The following RBFOX1 variants were observed in gnomAD, a reference collection of about 807,000 sequenced individuals.
RBFOX1 encodes RNA binding fox-1 homolog 1.
A neutral mutation model predicts 57.7 loss-of-function variants in RBFOX1; 8 were observed. That is an observed-to-expected ratio of 0.14 (90% CI 0.08 to 0.25). RBFOX1 has a LOEUF of 0.25. RBFOX1 is among the 10% of genes least tolerant of loss of function. RBFOX1 has a pLI of 1.00. For missense variants in RBFOX1, 611 were observed against 548.5 expected (o/e 1.11, Z -1.14); for synonymous variants, 326 against 222.4 (o/e 1.47, Z -4.15).
chr16:6,508,493 G>T (rs1392487835), intron 2 of RBFOX1, among the ~76,000 whole-genome samples: 1 of 152,110 alleles, frequency 6.6e-6, no homozygotes, highest in Non-Finnish European at 1.5e-5. Context: ...ACATAATTCA[G>T]CTAATCCCTT....
chr16:6,492,763 A>G (rs1404386019), intron 2 of RBFOX1, among the ~76,000 whole-genome samples: 3 of 152,186 alleles, frequency 2.0e-5, no homozygotes, highest in Non-Finnish European at 4.4e-5. Flanking sequence ...GGACCCTTGT[A>G]GGAATGAAGT....
At chr16:5,674,653 T>TACCCTTC (rs2050112948) in intron 3 of RBFOX1, among the ~76,000 whole-genome samples, 1 of 152,186 alleles carries the variant, frequency 6.6e-6, no homozygotes, top group African/African-American at 2.4e-5. Context: ...TGCCATTACT[T>TACCCTTC]TTAATTATTT....
intron 1 of RBFOX1, among the ~76,000 whole-genome samples, chr16:6,209,672 G>A (rs1241093913): frequency 2.0e-5 from 3 of 152,220 alleles, no homozygotes; most frequent in African/African-American, 7.2e-5. Flanking sequence ...TAGCAGGAAA[G>A]CTAAGCACAG....
At chr16:6,978,098 C>G (rs2087605645) in intron 3 of RBFOX1, among the ~76,000 whole-genome samples, 4 of 151,052 alleles carry the variant, frequency 2.6e-5, no homozygotes, top group Admixed American at 2.6e-4. Context: ...TCAATTACAG[C>G]TGACTTTGCA....
intron 2 of RBFOX1, among the ~76,000 whole-genome samples, chr16:6,522,698 G>A (rs1385664342): frequency 6.6e-6 from 1 of 152,156 alleles, no homozygotes; most frequent in African/African-American, 2.4e-5. Context: ...CTAAGAAACA[G>A]TGAACCATAA....
At chr16:6,614,814 C>G (rs932359851) in intron 2 of RBFOX1, among the ~76,000 whole-genome samples, 1 of 152,296 alleles carries the variant, frequency 6.6e-6, no homozygotes, top group Non-Finnish European at 1.5e-5. Context: ...GACCTAGGGA[C>G]TCACCCTACT....
At chr16:6,281,506 G>T (rs955426115) in intron 1 of RBFOX1, among the ~76,000 whole-genome samples, 2 of 152,042 alleles carry the variant, frequency 1.3e-5, no homozygotes, top group Non-Finnish European at 2.9e-5. Flanking sequence ...CGAGGGTGTG[G>T]GCCCCAAAGT....
At chr16:5,950,852 G>T (rs1288860841) in intron 4 of RBFOX1, among the ~76,000 whole-genome samples, 1 of 152,122 alleles carries the variant, frequency 6.6e-6, no homozygotes, top group African/African-American at 2.4e-5. Flanking sequence ...AGTGGTCCAA[G>T]TGCCAGGAGA....
chr16:6,936,707 A>G (rs940896139), intron 3 of RBFOX1, among the ~76,000 whole-genome samples: 2 of 152,150 alleles, frequency 1.3e-5, no homozygotes, highest in African/African-American at 4.8e-5. Flanking sequence ...TTAGATTAAT[A>G]TTAAAACAAA....
chr16:6,785,164 A>T (rs1284497971), intron 3 of RBFOX1, among the ~76,000 whole-genome samples: 2 of 152,162 alleles, frequency 1.3e-5, no homozygotes, highest in Admixed American at 6.6e-5. Context: ...GAACAAAGAG[A>T]TCTACGAGAT....
chr16:5,974,171 A>G (rs2060016265), intron 4 of RBFOX1, among the ~76,000 whole-genome samples: 1 of 152,228 alleles, frequency 6.6e-6, no homozygotes, highest in African/African-American at 2.4e-5. Context: ...TCGGATGCAC[A>G]GCAGGCAATG....
intron 3 of RBFOX1, among the ~76,000 whole-genome samples, chr16:5,772,584 G>A (rs1426951131): frequency 6.6e-6 from 1 of 152,204 alleles, no homozygotes; most frequent in East Asian, 1.9e-4. Context: ...ATATCTGCAA[G>A]TATTTATTCA....
chr16:7,358,871 A>C (rs2097266653), intron 4 of RBFOX1, among the ~76,000 whole-genome samples: 1 of 152,240 alleles, frequency 6.6e-6, no homozygotes, highest in African/African-American at 2.4e-5. Flanking sequence ...TAACTTTCTA[A>C]GGACAAGACA....
At chr16:7,507,083 G>A (rs1183337551) in intron 4 of RBFOX1, among the ~76,000 whole-genome samples, 1 of 152,134 alleles carries the variant, frequency 6.6e-6, no homozygotes, top group South Asian at 2.1e-4. Context: ...GTCACATAAA[G>A]GTTGAATGAC....
intron 4 of RBFOX1, among the ~76,000 whole-genome samples, chr16:7,099,911 A>G (rs2062381237): frequency 6.6e-6 from 1 of 152,118 alleles, no homozygotes; most frequent in Admixed American, 6.5e-5. Flanking sequence ...AATGTTTCTT[A>G]TCAGACTTAA....
intron 3 of RBFOX1, among the ~76,000 whole-genome samples, chr16:7,025,820 C>A (rs1448736856): frequency 6.6e-6 from 1 of 152,110 alleles, no homozygotes; most frequent in African/African-American, 2.4e-5. Context: ...ACTGGAGCAG[C>A]CATATCTGAC....
Position 7,268,998 on chromosome 16 carries a change from G to A in RBFOX1, c.27+216900G>A, listed in dbSNP as rs533118729. The stretch of plus-strand genomic sequence containing the variant: ...TTTGCAGTGAGCCGAGATCACGCCA[G>A]TGCACTCCAGCTTGGGCGACAGAGT... On this transcript the variant is annotated intron_variant, in intron 4 of 15. Transcript: ENST00000550418. Among the ~76,000 whole-genome samples the A allele has an allele frequency of 6.1e-5, 8 of 131,136 alleles. No individual in the cohort carries two copies. In the East Asian group the frequency reaches 1.6e-3, roughly 26 times the overall value. The allele number at this position is 131,136 out of a possible 152,430, so 86.0% of individuals were successfully genotyped here. A position where few individuals can be genotyped will look rare whatever the true frequency, so the allele number is the denominator to read the frequency against.
At chr16:7,183,864 C>A (rs1661690603) in intron 4 of RBFOX1, among the ~76,000 whole-genome samples, 2 of 152,128 alleles carry the variant, frequency 1.3e-5, no homozygotes, top group South Asian at 4.1e-4. Flanking sequence ...AGGTCTCTGC[C>A]CTCATGGAAC....
At chr16:5,582,796 G>A (rs889348361) in intron 2 of RBFOX1, among the ~76,000 whole-genome samples, 2 of 152,094 alleles carry the variant, frequency 1.3e-5, no homozygotes, top group African/African-American at 4.8e-5. Flanking sequence ...TGAGGAGGTG[G>A]TTATCAGTTC....
Sources: gnomAD v4.1 joint callset for allele counts (sites outside exome capture counted in the v4.1 genomes callset) on GRCh38, gnomAD v4.1.1 for gene constraint, MANE v1.5 for transcripts, NCBI Gene and HGNC (gene_info 2026-07-23, HGNC 2026-07-21) for gene names.